Variants in SFSWAP observed in about 807,000 individuals in gnomAD.
SFSWAP encodes the protein splicing factor SWAP.
A neutral mutation model predicts 100.7 loss-of-function variants in SFSWAP; 17 were observed. The observed-to-expected ratio is 0.17, with a 90% CI of 0.12 to 0.25. The LOEUF is 0.25. Among genes scored for constraint, SFSWAP ranks in the 10% least tolerant of loss-of-function variants. The probability of loss-of-function intolerance (pLI) is 1.00; values close to 1 mark genes in which losing one functional copy is unlikely to be tolerated. For missense variants in SFSWAP, 1,005 were observed against 1,262.6 expected, an observed-to-expected ratio of 0.80 and a Z score of 3.09; for synonymous variants, 504 against 510.1, an observed-to-expected ratio of 0.99 and a Z score of 0.16.
In SFSWAP at chr12:131,714,090, C is replaced by T. The variant is rs773649060; in HGVS notation, c.238C>T (p.Leu80=). The part of the protein sequence containing the change: ...LIDRYDGRGH[L]HDLSEYDAEY... Reference sequence around the variant, plus strand: ...TTACAGATATGATGGACGTGGTCACCTGCATGACCTTTCTGAGTACGATGC... The same window carrying T: ...TTACAGATATGATGGACGTGGTCACTTGCATGACCTTTCTGAGTACGATGC... The change falls in exon 2 of 18, where the codon CTG becomes TTG. Residue 80 remains leucine (L), a synonymous_variant. Transcript: ENST00000261674. The surrounding 1 kb of genome is among the most constrained non-coding windows in gnomAD (Gnocchi z 6.0). 5 of 1,613,462 alleles carry T rather than the reference C, an allele frequency of 3.1e-6. No individual in the cohort carries two copies. The East Asian group carries it at 1.1e-4, about 36-fold the overall frequency.
rs145958805 is a variant in SFSWAP at position 131,769,853 on chromosome 12, T to C, written c.2142+3545T>C. 9.8e-3 allele frequency among the ~76,000 whole-genome samples: 1,496 copies of C among 152,332 alleles called. 28 individuals carry two copies. The highest frequency in any genetic ancestry group is 0.033 in the African/African-American group (1,361 of 41,570). On this transcript the variant is annotated intron_variant, in intron 13 of 17. Coordinates refer to ENST00000261674, the MANE Select transcript of SFSWAP (RefSeq NM_004592.4). ...CATGTTAGCCAAGATGGTCTCAATC[T>C]GTCCTATTTATTTTTACACGTACCC... is the stretch of plus-strand genomic sequence containing the variant.
chr12:131,777,346 T>C (rs887176732), intron 13 of SFSWAP, among the ~76,000 whole-genome samples: 2 of 152,094 alleles, frequency 1.3e-5, no homozygotes, highest in Admixed American at 6.5e-5. Context: ...CCTGTGACCA[T>C]GTGTTCTCGT....
rs143181765 is a variant in SFSWAP at position 131,738,799 on chromosome 12, G to A, written c.1081+10371G>A. On this transcript the variant is annotated intron_variant, in intron 7 of 17. Coordinates refer to ENST00000261674, the MANE Select transcript of SFSWAP (RefSeq NM_004592.4). ...TAGTATCCTGTTGTATAGATTTATT[G>A]TGAAACAGCCCTCCATTAATTGATA... Among the ~76,000 whole-genome samples, 229 of 148,818 alleles carry A rather than the reference G, an allele frequency of 1.5e-3. 7 individuals carry two copies. In the South Asian group the frequency reaches 0.03, roughly 20 times the overall value.
chr12:131,766,381 C>T, intron 13 of SFSWAP, 73 bp downstream of exon 13: 8 of 1,394,082 alleles, frequency 5.7e-6, no homozygotes, highest in Non-Finnish European at 8.0e-6. Flanking sequence ...TGTCTCCCTC[C>T]AGCTGCCCTA....
chr12:131,780,494 A>G (rs748044120), intron 14 of SFSWAP, among the ~76,000 whole-genome samples: 3 of 151,538 alleles, frequency 2.0e-5, no homozygotes, highest in Admixed American at 6.6e-5. Flanking sequence ...TCTACAAAAT[A>G]TTTTTTTTTA....
At chr12:131,736,736 G>A (rs898710538) in intron 7 of SFSWAP, among the ~76,000 whole-genome samples, 16 of 152,158 alleles carry the variant, frequency 1.1e-4, no homozygotes, top group Admixed American at 5.9e-4. Context: ...AGGAGAAGAC[G>A]GAGATTTCTA....
chr12:131,785,201 T>C (rs1161515204), intron 14 of SFSWAP: 1 of 1,535,672 alleles, frequency 6.5e-7, no homozygotes, highest in Admixed American at 2.0e-5. Context: ...GCGAGCTCTT[T>C]TGAGGGAAAA....
At chr12:131,716,894 T>C (rs1275516696) in intron 3 of SFSWAP, among the ~76,000 whole-genome samples, 4 of 152,234 alleles carry the variant, frequency 2.6e-5, no homozygotes, top group African/African-American at 9.6e-5. Context: ...TCAGCATGAC[T>C]TAGCTTATCA....
At chr12:131,782,293 C>T (rs1458699778) in intron 14 of SFSWAP, among the ~76,000 whole-genome samples, 1 of 152,180 alleles carries the variant, frequency 6.6e-6, no homozygotes, top group Non-Finnish European at 1.5e-5. Flanking sequence ...CTCCTCCATC[C>T]AAGCTCTGCC....
intron 16 of SFSWAP, among the ~76,000 whole-genome samples, chr12:131,797,563 G>A (rs1162476277): frequency 6.6e-6 from 1 of 152,248 alleles, no homozygotes; most frequent in Non-Finnish European, 1.5e-5. Context: ...AGAGGAGCAG[G>A]TCCTGTACTG....
chr12:131,717,857 A>G (rs1347596785), intron 3 of SFSWAP, among the ~76,000 whole-genome samples: 1 of 152,060 alleles, frequency 6.6e-6, no homozygotes, highest in Non-Finnish European at 1.5e-5. Flanking sequence ...TAGCCTCCCA[A>G]ATAGCTGGGA....
intron 7 of SFSWAP, among the ~76,000 whole-genome samples, chr12:131,731,828 C>T (rs1879536462): frequency 6.7e-6 from 1 of 149,948 alleles, no homozygotes; most frequent in Non-Finnish European, 1.5e-5. Flanking sequence ...CTCAAATTGG[C>T]ATTTGGTTGA....
intron 13 of SFSWAP, among the ~76,000 whole-genome samples, chr12:131,775,804 T>C (rs756522868): frequency 8.5e-5 from 13 of 152,102 alleles, no homozygotes; most frequent in Non-Finnish European, 1.9e-4. Context: ...CAATAAAATA[T>C]TTTAGCTGGG....
intron 7 of SFSWAP, 52 bp from the exon 8 acceptor site, chr12:131,753,071 T>C: frequency 1.2e-6 from 2 of 1,603,840 alleles, no homozygotes; most frequent in South Asian, 2.2e-5. Context: ...TGTGGACTCA[T>C]GGACCAGCCT....
intron 13 of SFSWAP, among the ~76,000 whole-genome samples, chr12:131,772,003 T>C (rs1384308278): frequency 6.6e-6 from 1 of 152,206 alleles, no homozygotes; most frequent in Non-Finnish European, 1.5e-5. Context: ...CCTTTTGAAC[T>C]GGCTTTCCCT....
At chr12:131,732,796 G>A (rs1430834394) in intron 7 of SFSWAP, among the ~76,000 whole-genome samples, 1 of 152,224 alleles carries the variant, frequency 6.6e-6, no homozygotes, top group Non-Finnish European at 1.5e-5. Flanking sequence ...GTAATTTTCA[G>A]AAGAGGGCTT....
chr12:131,716,031 A>G (rs1419062442), intron 3 of SFSWAP, among the ~76,000 whole-genome samples: 1 of 152,216 alleles, frequency 6.6e-6, no homozygotes, highest in Non-Finnish European at 1.5e-5. Flanking sequence ...GTATGAAGCA[A>G]TTATAGCACT....
chr12:131,758,351 C>G (rs1046138071), intron 11 of SFSWAP, among the ~76,000 whole-genome samples: 4 of 152,158 alleles, frequency 2.6e-5, no homozygotes, highest in Admixed American at 1.3e-4. Flanking sequence ...CCGTCTACAT[C>G]CACCCAAGCC....
intron 13 of SFSWAP, among the ~76,000 whole-genome samples, chr12:131,767,898 G>A (rs916368493): frequency 1.3e-5 from 2 of 152,218 alleles, no homozygotes; most frequent in Non-Finnish European, 2.9e-5. Flanking sequence ...TATGCTCACT[G>A]CCTGGGTGAT....
Sources: gnomAD v4.1 joint callset for allele counts (sites outside exome capture counted in the v4.1 genomes callset) on GRCh38, gnomAD v4.1.1 for gene constraint, Gnocchi (gnomAD v3.1) non-coding constraint, MANE v1.5 for transcripts, NCBI Gene and HGNC (gene_info 2026-07-23, HGNC 2026-07-21) for gene names.